CPEB1: variants seen among roughly 807,000 people sequenced by gnomAD.
CPEB1 encodes cytoplasmic polyadenylation element-binding protein 1.
Under a neutral mutation model 65.8 loss-of-function variants are expected in CPEB1, and 7 were observed. That is an observed-to-expected ratio of 0.11 (90% CI 0.06 to 0.20). The LOEUF (loss-of-function observed/expected upper bound fraction) is 0.20, where lower values mean the gene tolerates loss of function less well. CPEB1 is among the 10% of genes least tolerant of loss of function. The probability of loss-of-function intolerance (pLI) is 1.00; values close to 1 mark genes in which losing one functional copy is unlikely to be tolerated. For missense variants in CPEB1, 551 were observed against 712.2 expected, an observed-to-expected ratio of 0.77 and a Z score of 2.58; for synonymous variants, 262 against 260.0, an observed-to-expected ratio of 1.01 and a Z score of -0.08.
chr15:82,560,959 C>T (rs1003869773), intron 4 of CPEB1, among the ~76,000 whole-genome samples: 1 of 152,194 alleles, frequency 6.6e-6, no homozygotes, highest in African/African-American at 2.4e-5. Flanking sequence ...TTGATGATAA[C>T]AGCAACAAAG....
intron 3 of CPEB1, chr15:82,571,910 GA>G: frequency 4.1e-6 from 4 of 970,204 alleles, no homozygotes; most frequent in Non-Finnish European, 5.0e-6. Flanking sequence ...GCCTCCCAGG[GA>G]AAGACAGCAC....
chr15:82,549,484 T>C lies in CPEB1; in HGVS notation c.1456A>G (p.Thr486Ala). The C allele has an allele frequency of 6.2e-7, 1 of 1,614,176 alleles. No homozygotes were observed. Among genetic ancestry groups the C allele is most frequent in the South Asian group, 1.1e-5 (1 of 91,070 alleles). ...FGGVVYAGID[T>A]DKHKYPIGSG... ...CCAATGGGATACTTGTGCTTATCTG[T>C]GTCAATCCCGGCATACACCACTCCA... The change falls in exon 10 of 13, where the codon ACA (threonine) becomes GCA (alanine). Residue 486 changes from threonine (T) to alanine (A), a missense_variant. This residue lies in a region of CPEB1 where 98 missense variants were observed against 157.6 expected (regional missense o/e 0.62). Coordinates refer to ENST00000684509, the MANE Select transcript of CPEB1 (RefSeq NM_001365242.1).
chr15:82,645,293 T>C (rs587739548), intron 1 of CPEB1, among the ~76,000 whole-genome samples: 24 of 152,212 alleles, frequency 1.6e-4, no homozygotes, highest in South Asian at 4.2e-4. Context: ...GCTTCGATTA[T>C]AGGCGCCCAC....
intron 4 of CPEB1, among the ~76,000 whole-genome samples, chr15:82,559,510 T>C (rs1478304361): frequency 2.6e-5 from 4 of 152,218 alleles, no homozygotes; most frequent in African/African-American, 9.6e-5. Context: ...TGATGAGAGT[T>C]TCAGTCCCTC....
At chr15:82,546,337 C>T (rs989009042) in intron 12 of CPEB1, 104 bp downstream of exon 12, 88 of 861,114 alleles carry the variant, frequency 1.0e-4, no homozygotes, top group Middle Eastern at 7.0e-4. Flanking sequence ...CCTCCTGATC[C>T]GCCCACCTTG....
chr15:82,647,760 T>G (rs1227929733), upstream of CPEB1: 13 of 1,078,120 alleles, frequency 1.2e-5, no homozygotes, highest in African/African-American at 1.7e-5. Flanking sequence ...GGGCGGGGGA[T>G]GGGGGTACCG....
intron 4 of CPEB1, among the ~76,000 whole-genome samples, chr15:82,567,759 C>T (rs149341414): frequency 1.6e-4 from 24 of 152,332 alleles, no homozygotes; most frequent in Admixed American, 3.9e-4. Flanking sequence ...ATCTGGTCTG[C>T]CCACTGGGCT....
chr15:82,558,402 T>C (rs1387907555), intron 4 of CPEB1, among the ~76,000 whole-genome samples: 1 of 152,248 alleles, frequency 6.6e-6, no homozygotes, highest in Non-Finnish European at 1.5e-5. Context: ...AGAAGAATTC[T>C]CACCTTTCTA....
At chr15:82,561,756 T>C (rs902381842) in intron 4 of CPEB1, among the ~76,000 whole-genome samples, 2 of 152,220 alleles carry the variant, frequency 1.3e-5, no homozygotes, top group Admixed American at 6.5e-5. Flanking sequence ...AAAGGTATCT[T>C]GAGGCTTTGT....
intron 3 of CPEB1, among the ~76,000 whole-genome samples, chr15:82,574,475 T>C (rs1320166959): frequency 6.6e-6 from 1 of 152,128 alleles, no homozygotes; most frequent in Admixed American, 6.6e-5. Flanking sequence ...CCCAGCACTT[T>C]GGGAGGCTGA....
chr15:82,559,831 C>T (rs971430805), intron 4 of CPEB1, among the ~76,000 whole-genome samples: 10 of 152,204 alleles, frequency 6.6e-5, no homozygotes, highest in Non-Finnish European at 1.5e-5. Context: ...CGCCTGTAAT[C>T]CCAGCACTTT....
chr15:82,634,688 A>C (rs897479895), intron 1 of CPEB1, among the ~76,000 whole-genome samples: 2 of 152,222 alleles, frequency 1.3e-5, no homozygotes, highest in Non-Finnish European at 2.9e-5. Flanking sequence ...ATGTGTTCAC[A>C]CTAAAAATTT....
chr15:82,627,228 G>A lies in CPEB1; in HGVS notation c.236C>T (p.Thr79Ile), dbSNP rs2045851061. The A allele has an allele frequency of 1.2e-6, 2 of 1,612,234 alleles. No homozygotes were observed. Among genetic ancestry groups the A allele is most frequent in the African/African-American group, 1.3e-5 (1 of 74,828 alleles). ...NSLDFSRVCT[T>I]PINRGIHDHL... is the part of the protein sequence containing the mutation. ...ATCATGAATTCCTCGGTTTATAGGT[G>A]TAGTGCAGACTCTACTGAAATCCAG... is the stretch of plus-strand genomic sequence containing the variant. Residue 79 changes from threonine to isoleucine, a missense_variant, in exon 3 of 13, where the codon ACA becomes ATA. This residue lies in a region of CPEB1 where 223 missense variants were observed against 228.6 expected (regional missense o/e 0.98). Transcript: ENST00000684509.
chr15:82,629,018 G>A (rs981274360), intron 1 of CPEB1: 3 of 156,094 alleles, frequency 1.9e-5, no homozygotes, highest in African/African-American at 4.8e-5. Flanking sequence ...GTGGGGGTTG[G>A]TCCTCCTAAC....
At chr15:82,594,057 TG>T (rs1490154313) in intron 3 of CPEB1, among the ~76,000 whole-genome samples, 1 of 152,218 alleles carries the variant, frequency 6.6e-6, no homozygotes, top group Non-Finnish European at 1.5e-5. Context: ...CGGTAAGCAC[TG>T]GCCTCAACTT....
At chr15:82,626,018 A>C (rs1313620860) in intron 3 of CPEB1, among the ~76,000 whole-genome samples, 3 of 149,520 alleles carry the variant, frequency 2.0e-5, no homozygotes, top group Non-Finnish European at 4.5e-5. Context: ...TACTTGGGAG[A>C]CTGAGGCAGG....
At chr15:82,602,252 C>G (rs768237135) in intron 3 of CPEB1, among the ~76,000 whole-genome samples, 7 of 152,132 alleles carry the variant, frequency 4.6e-5, no homozygotes, top group Non-Finnish European at 1.0e-4. Context: ...CAGACTTCCT[C>G]AGGGACCAAC....
At chr15:82,557,390 A>G (rs1238310859) in intron 5 of CPEB1, 1 of 204,708 alleles carries the variant, frequency 4.9e-6, no homozygotes, top group Non-Finnish European at 9.7e-6. Flanking sequence ...CATACATCAA[A>G]GTACATAAAT....
Position 82,556,137 on chromosome 15 carries a change from AG to A in CPEB1, c.688-16del. The A allele has an allele frequency of 6.3e-7, 1 of 1,584,100 alleles. No individual in the cohort carries two copies. Among genetic ancestry groups the A allele is most frequent in the Non-Finnish European group, 8.5e-7 (1 of 1,170,968 alleles). ...CGAAGGCTTGACTAGGGGAGGAAAA[AG>A]GAAGACAGGGTTTTAAAGGCTAGTT... On this transcript the variant is annotated splice_polypyrimidine_tract_variant and intron_variant, in intron 5 of 12. Coordinates refer to ENST00000684509, the MANE Select transcript of CPEB1 (RefSeq NM_001365242.1).
Sources: allele counts gnomAD v4.1 joint callset (sites outside exome capture counted in the v4.1 genomes callset), GRCh38; gene constraint gnomAD v4.1.1; regional missense constraint gnomAD v4.1.1; transcripts MANE v1.5; gene names NCBI Gene and HGNC (gene_info 2026-07-23, HGNC 2026-07-21).